The following TLE3 variants were observed in gnomAD, a reference collection of about 807,000 sequenced individuals.
The protein encoded by TLE3 is transducin-like enhancer protein 3.
Under a neutral mutation model 93.0 loss-of-function variants are expected in TLE3, and 14 were observed. The observed-to-expected ratio is 0.15, with a 90% confidence interval of 0.10 to 0.24. TLE3 has a LOEUF of 0.24. Ranked by LOEUF, TLE3 falls within the 10% of genes least tolerant of loss-of-function variation. TLE3 has a pLI of 1.00. For synonymous variants in TLE3, 451 were observed against 425.0 expected (o/e 1.06, Z -0.75); for missense variants, 693 against 1,046.6 (o/e 0.66, Z 4.66).
chr15:70,083,986 A>G (rs564660697), intron 4 of TLE3, among the ~76,000 whole-genome samples: 3 of 152,256 alleles, frequency 2.0e-5, no homozygotes, highest in African/African-American at 7.2e-5. Flanking sequence ...CCAAATAAGG[A>G]AGGCAGGAGT....
intron 6 of TLE3, among the ~76,000 whole-genome samples, chr15:70,067,469 A>T (rs1008782854): frequency 6.6e-6 from 1 of 152,102 alleles, no homozygotes; most frequent in African/African-American, 2.4e-5. Flanking sequence ...ACCACTAGTA[A>T]ATCTGTCAAC....
chr15:70,095,197 A>C (rs1238393104), intron 3 of TLE3, among the ~76,000 whole-genome samples: 1 of 152,200 alleles, frequency 6.6e-6, no homozygotes, highest in African/African-American at 2.4e-5. Flanking sequence ...CACTCCCAGG[A>C]GGTCACTAAG....
In TLE3 at chr15:70,054,426, C is replaced by G; in HGVS notation, c.1826+12G>C. The G allele has an allele frequency of 6.2e-7, 1 of 1,608,290 alleles. No individual in the cohort carries two copies. The highest frequency in any genetic ancestry group is 8.5e-7 in the Non-Finnish European group (1 of 1,175,826). On this transcript the variant is annotated intron_variant, in intron 16 of 19. Transcript: ENST00000451782. ...CAGGACGAGGCACTAATGCTCCCTC[C>G]TGCCGGCTCACCTGACCAGGGTCTG...
In TLE3 at chr15:70,054,623, G is replaced by A. The variant is rs757283879; in HGVS notation, c.1641C>T (p.Gly547=). The A allele has an allele frequency of 6.8e-6, 11 of 1,611,562 alleles. No individual in the cohort carries two copies. Among genetic ancestry groups the A allele is most frequent in the African/African-American group, 4.0e-5 (3 of 74,868 alleles). Residue 547 remains glycine (G), a synonymous_variant, in exon 16 of 20, where the codon GGC becomes GGT. Coordinates refer to ENST00000451782, the MANE Select transcript of TLE3 (RefSeq NM_001105192.3). ...LLPDGRTLIV[G]GEASTLTIWD... ...AGATGGTGAGCGTGCTGGCCTCGCC[G>A]CCCACGATGAGCGTGCGCCCATCAG... is the stretch of plus-strand genomic sequence containing the variant.
intron 4 of TLE3, among the ~76,000 whole-genome samples, chr15:70,083,041 A>G (rs1053398609): frequency 2.0e-5 from 3 of 152,228 alleles, no homozygotes; most frequent in Non-Finnish European, 1.5e-5. Context: ...CATACAGTCT[A>G]GAGTCCTGCA....
In TLE3 at chr15:70,097,532, C is replaced by A; in HGVS notation, c.-734G>T. 2.5e-6 allele frequency: 1 copy of A among 400,598 alleles called. No individual in the cohort carries two copies. Among genetic ancestry groups the A allele is most frequent in the East Asian group, 3.6e-5 (1 of 28,076 alleles). 24.8% of individuals were successfully genotyped at this position (400,598 alleles called of 1,614,324 possible). A position where few individuals can be genotyped will look rare whatever the true frequency, so the allele number is the denominator to read the frequency against. ...GGGCTCAGTAGGTGCAAATCAAACGCCCTGGCATCCTAAGTCCAGCGGGCA... is the reference window on the plus strand; with the variant it reads ...GGGCTCAGTAGGTGCAAATCAAACGACCTGGCATCCTAAGTCCAGCGGGCA... On this transcript the variant is annotated 5_prime_UTR_variant, in exon 1 of 20. Transcript: ENST00000451782.
chr15:70,055,466 T>A, intron 14 of TLE3, 168 bp from the exon 15 acceptor site: 1 of 841,106 alleles, frequency 1.2e-6, no homozygotes, highest in African/African-American at 2.3e-5. Context: ...GATGGCTCCA[T>A]CGAGGTAGAC....
chr15:70,057,768 C>A, intron 12 of TLE3, 110 bp from the exon 13 acceptor site: 1 of 1,363,108 alleles, frequency 7.3e-7, no homozygotes. Context: ...CTGCTCCAGG[C>A]AGTCCTCTCA....
At chr15:70,064,370 C>G (rs545543382) in intron 8 of TLE3, 84 bp downstream of exon 8, 1 of 1,559,914 alleles carries the variant, frequency 6.4e-7, no homozygotes, top group African/African-American at 1.4e-5. Context: ...TGACTGGTCT[C>G]AGGCCCGCGA....
At chr15:70,092,090 CTTGA>C (rs1320760537) in intron 4 of TLE3, among the ~76,000 whole-genome samples, 1 of 151,942 alleles carries the variant, frequency 6.6e-6, no homozygotes, top group Non-Finnish European at 1.5e-5. Context: ...ACTCCAGTCA[CTTGA>C]TTGTGTGTGC....
At chr15:70,056,010 C>G (rs910041288) in intron 14 of TLE3, 1 of 510,526 alleles carries the variant, frequency 2.0e-6, no homozygotes, top group East Asian at 3.6e-5. Context: ...CCAGGTGACT[C>G]GGTGAGGAGT....
At chr15:70,078,949 T>C (rs1425800431) in intron 4 of TLE3, among the ~76,000 whole-genome samples, 2 of 152,150 alleles carry the variant, frequency 1.3e-5, no homozygotes. Flanking sequence ...AAAAGAAACG[T>C]AGCTGACCTT....
rs778974433 is a variant in TLE3, at chr15:70,096,790, C to T, written c.9G>A (p.Pro3=). ...AATTACTCACCGGATGTCTGCCCTG[C>T]GGATACATGGCAGGGAGGGGTCGTG... is the stretch of plus-strand genomic sequence containing the variant. The part of the protein sequence containing the change: MY[P]QGRHPAPHQP... Residue 3 remains proline, a synonymous_variant, in exon 1 of 20, where the codon CCG becomes CCA. Transcript: ENST00000451782. 3 of 1,612,366 alleles carry T rather than the reference C, an allele frequency of 1.9e-6. No individual in the cohort carries two copies. In the Admixed American group the frequency reaches 5.0e-5, roughly 27 times the overall value.
chr15:70,095,649 G>A lies in TLE3; in HGVS notation c.126-8C>T. Reference sequence around the variant, plus strand: ...TCGTACTCCACTTTGAGGCTGCGAGGGCAGGAGGAGCCGGCTCAGGCGTGG... The same window carrying A: ...TCGTACTCCACTTTGAGGCTGCGAGAGCAGGAGGAGCCGGCTCAGGCGTGG... On this transcript the variant is annotated splice_polypyrimidine_tract_variant and splice_region_variant and intron_variant, in intron 2 of 19. Transcript: ENST00000451782. 2 of 1,551,384 alleles carry A rather than the reference G, an allele frequency of 1.3e-6. No individual in the cohort carries two copies. The highest frequency in any genetic ancestry group is 1.7e-6 in the Non-Finnish European group (2 of 1,146,856).
At position 70,097,410 on chromosome 15, in the gene TLE3, C is replaced by T. The variant is rs2058613594; in HGVS notation, c.-612G>A. 1 of 410,540 alleles carries T rather than the reference C, an allele frequency of 2.4e-6. No homozygotes were observed. Among genetic ancestry groups the T allele is most frequent in the Admixed American group, 4.4e-5 (1 of 22,766 alleles). The allele number at this position is 410,540 out of a possible 1,614,324, so 25.4% of individuals were successfully genotyped here. A position where few individuals can be genotyped will look rare whatever the true frequency, so the allele number is the denominator to read the frequency against. On this transcript the variant is annotated 5_prime_UTR_variant, in exon 1 of 20. Transcript: ENST00000451782. ...GCCCGGCGCGGGCGCTTCGACGCCC[C>T]CCCTCGGAGAGGAGAGCCTGCTGTT...
rs2055903632 is a variant in TLE3, at chr15:70,055,064, G to A, written c.1563C>T (p.Ser521=). Residue 521 remains serine, a synonymous_variant, in exon 15 of 20, where the codon TCC becomes TCT. Coordinates refer to ENST00000451782, the MANE Select transcript of TLE3 (RefSeq NM_001105192.3). Reference sequence around the variant, plus strand: ...GGATTCTCACCAGGCAGTCCAGCTGGGAGATGGGGCTCTTGCTGCCTGGCT... The same window carrying A: ...GGATTCTCACCAGGCAGTCCAGCTGAGAGATGGGGCTCTTGCTGCCTGGCT... ...ISQPGSKSPI[S]QLDCLNRDNY... is the part of the protein sequence containing the mutation. 6 of 1,611,920 alleles carry A rather than the reference G, an allele frequency of 3.7e-6. No homozygotes were observed. Among genetic ancestry groups the A allele is most frequent in the Non-Finnish European group, 5.1e-6 (6 of 1,179,074 alleles).
Position 70,056,793 on chromosome 15 carries a change from G to T in TLE3, c.1252-419C>A, listed in dbSNP as rs140835265. ...TTTTATTTTTTTGAGATGGAGTCTC[G>T]CTCTGCCGCCCAAGCTGGAGCGCGG... On this transcript the variant is annotated intron_variant, in intron 13 of 19. Transcript: ENST00000451782. Among the ~76,000 whole-genome samples, 784 of 152,232 alleles carry T rather than the reference G, an allele frequency of 5.2e-3. 5 individuals are homozygous for T. The highest frequency in any genetic ancestry group is 0.018 in the African/African-American group (758 of 41,538).
Position 70,097,420 on chromosome 15 carries a change from AG to A in TLE3, c.-623del, listed in dbSNP as rs2058614264. The stretch of plus-strand genomic sequence containing the variant: ...GGCGCTTCGACGCCCCCCCTCGGAG[AG>A]GAGAGCCTGCTGTTCCGTCTGCTAC... On this transcript the variant is annotated 5_prime_UTR_variant, in exon 1 of 20. Transcript: ENST00000451782. The A allele has an allele frequency of 4.9e-6, 2 of 411,510 alleles. No homozygotes were observed. Among genetic ancestry groups the A allele is most frequent in the African/African-American group, 4.1e-5 (2 of 48,652 alleles). The allele number at this position is 411,510 out of a possible 1,614,324, so 25.5% of individuals were successfully genotyped here. A position where few individuals can be genotyped will look rare whatever the true frequency, so the allele number is the denominator to read the frequency against.
chr15:70,078,150 A>T (rs1390216376), intron 4 of TLE3, among the ~76,000 whole-genome samples: 1 of 152,300 alleles, frequency 6.6e-6, no homozygotes, highest in South Asian at 2.1e-4. Context: ...ATAAATTGTT[A>T]ATCTAGTTAA....
Sources: gnomAD v4.1 joint callset for allele counts (sites outside exome capture counted in the v4.1 genomes callset) on GRCh38, gnomAD v4.1.1 for gene constraint, MANE v1.5 for transcripts, NCBI Gene and HGNC (gene_info 2026-07-23, HGNC 2026-07-21) for gene names.